Variants in DOK6 observed in about 807,000 individuals in gnomAD.
DOK6 encodes the protein docking protein 6.
A neutral mutation model predicts 44.0 loss-of-function variants in DOK6; 22 were observed. That is an observed-to-expected ratio of 0.50 (90% CI 0.36 to 0.71). The LOEUF (loss-of-function observed/expected upper bound fraction) is 0.71. Among genes scored for constraint, DOK6 ranks in the 30% least tolerant of loss-of-function variants. DOK6 has a pLI of 0.00. For missense variants in DOK6, 340 were observed against 416.4 expected, an observed-to-expected ratio of 0.82 and a Z score of 1.60; for synonymous variants, 166 against 145.5, an observed-to-expected ratio of 1.14 and a Z score of -1.01.
chr18:69,587,141 A>G (rs750808078), intron 2 of DOK6, among the ~76,000 whole-genome samples: 3 of 152,156 alleles, frequency 2.0e-5, no homozygotes, highest in Non-Finnish European at 2.9e-5. Flanking sequence ...CATTGTAGTA[A>G]TTGGGGCTGG....
chr18:69,500,445 T>G (rs1568277683), intron 1 of DOK6, among the ~76,000 whole-genome samples: 1 of 152,098 alleles, frequency 6.6e-6, no homozygotes, highest in Non-Finnish European at 1.5e-5. Flanking sequence ...GCTCTCAGCT[T>G]CCTAACTTTA....
At chr18:69,459,867 G>A (rs1277935785) in intron 1 of DOK6, among the ~76,000 whole-genome samples, 1 of 152,138 alleles carries the variant, frequency 6.6e-6, no homozygotes, top group Admixed American at 6.5e-5. Context: ...CAATTTTGGT[G>A]TTATATGTGT....
At chr18:69,591,056 G>A (rs1217688079) in intron 2 of DOK6, among the ~76,000 whole-genome samples, 1 of 152,078 alleles carries the variant, frequency 6.6e-6, no homozygotes, top group African/African-American at 2.4e-5. Context: ...TCAAGGCCGT[G>A]GCTCCAAACA....
chr18:69,831,626 C>T (rs1568139248), intron 7 of DOK6, among the ~76,000 whole-genome samples: 1 of 152,106 alleles, frequency 6.6e-6, no homozygotes, highest in Non-Finnish European at 1.5e-5. Context: ...TCTTCATTCC[C>T]CATTTCTCAA....
chr18:69,641,610 A>C (rs779527621), intron 3 of DOK6, among the ~76,000 whole-genome samples: 37 of 152,326 alleles, frequency 2.4e-4, no homozygotes, highest in South Asian at 8.3e-4. Flanking sequence ...TATTTGACTT[A>C]TAAGCTAGAT....
chr18:69,771,665 A>G (rs1207217218), intron 7 of DOK6, among the ~76,000 whole-genome samples: 1 of 151,916 alleles, frequency 6.6e-6, no homozygotes, highest in Non-Finnish European at 1.5e-5. Context: ...TTAGCATCTT[A>G]TTTTTTAAAA....
At chr18:69,811,524 T>TTTTATA in intron 7 of DOK6, among the ~76,000 whole-genome samples, 1 of 93,764 alleles carries the variant, frequency 1.1e-5, no homozygotes, top group South Asian at 3.8e-4. Context: ...AACCATTCCA[T>TTTTATA]TATATATATA....
At chr18:69,804,445 A>G (rs892082381) in intron 7 of DOK6, among the ~76,000 whole-genome samples, 1 of 152,190 alleles carries the variant, frequency 6.6e-6, no homozygotes, top group Admixed American at 6.5e-5. Context: ...TAAGAATAGA[A>G]TATATACATA....
chr18:69,580,495 G>A (rs996445260), intron 2 of DOK6, among the ~76,000 whole-genome samples: 7 of 151,822 alleles, frequency 4.6e-5, no homozygotes, highest in Non-Finnish European at 8.8e-5. Flanking sequence ...GCATGCCTGG[G>A]GAATCTTTCT....
chr18:69,749,733 G>A (rs1180289923), intron 6 of DOK6, among the ~76,000 whole-genome samples: 2 of 152,062 alleles, frequency 1.3e-5, no homozygotes, highest in Non-Finnish European at 2.9e-5. Context: ...GAGGTCAAGA[G>A]ATCGAGACCA....
At chr18:69,422,936 G>T (rs1216389584) in intron 1 of DOK6, among the ~76,000 whole-genome samples, 1 of 152,154 alleles carries the variant, frequency 6.6e-6, no homozygotes, top group Non-Finnish European at 1.5e-5. Flanking sequence ...AAATTGCAGA[G>T]AGTCACATTA....
intron 4 of DOK6, among the ~76,000 whole-genome samples, chr18:69,685,363 T>G (rs1986129896): frequency 6.6e-6 from 1 of 152,194 alleles, no homozygotes; most frequent in South Asian, 2.1e-4. Flanking sequence ...GGGGCCTTGG[T>G]CAGATTAGTG....
Position 69,406,980 on chromosome 18 carries a change from C to A in DOK6, c.66+5670C>A, listed in dbSNP as rs1916218010. Among the ~76,000 whole-genome samples the A allele has an allele frequency of 2.0e-5, 3 of 152,088 alleles. No individual in the cohort carries two copies. In the South Asian group the frequency reaches 6.2e-4, roughly 31 times the overall value. On this transcript the variant is annotated intron_variant, in intron 1 of 7. Coordinates refer to ENST00000382713, the MANE Select transcript of DOK6 (RefSeq NM_152721.6). ...CCTGTAATTCCAGCTACTCAGGAGG[C>A]TGAGGCAGGAGAATCGCTTGAACTC...
chr18:69,511,972 A>G (rs141549337), intron 1 of DOK6, among the ~76,000 whole-genome samples: 2 of 152,132 alleles, frequency 1.3e-5, no homozygotes, highest in Non-Finnish European at 2.9e-5. Context: ...TGGACTGATA[A>G]TATCAGTTGG....
chr18:69,738,127 A>C (rs1978676009), intron 5 of DOK6, among the ~76,000 whole-genome samples: 1 of 152,220 alleles, frequency 6.6e-6, no homozygotes, highest in Non-Finnish European at 1.5e-5. Flanking sequence ...TAATGTCGGA[A>C]GCCTCTTGAG....
At chr18:69,681,540 A>G (rs984544198) in intron 4 of DOK6, among the ~76,000 whole-genome samples, 1 of 151,334 alleles carries the variant, frequency 6.6e-6, no homozygotes, top group Non-Finnish European at 1.5e-5. Flanking sequence ...TCACATGCAC[A>G]TGTGCATAAA....
intron 7 of DOK6, among the ~76,000 whole-genome samples, chr18:69,770,555 G>A (rs1031113813): frequency 2.0e-5 from 3 of 152,014 alleles, no homozygotes; most frequent in South Asian, 2.1e-4. Context: ...TGTAAAGTCC[G>A]TGGTGTCCAA....
chr18:69,733,342 AC>A (rs1460807004), intron 5 of DOK6, among the ~76,000 whole-genome samples: 2 of 152,190 alleles, frequency 1.3e-5, no homozygotes, highest in Non-Finnish European at 2.9e-5. Context: ...TAGGTTTTGT[AC>A]ATTCTTCCAG....
intron 7 of DOK6, among the ~76,000 whole-genome samples, chr18:69,835,961 A>T (rs1215038547): frequency 6.6e-6 from 1 of 152,208 alleles, no homozygotes; most frequent in African/African-American, 2.4e-5. Flanking sequence ...CCTTCATAGT[A>T]TATATCAAGA....
Sources: gnomAD v4.1 joint callset for allele counts (sites outside exome capture counted in the v4.1 genomes callset) on GRCh38, gnomAD v4.1.1 for gene constraint, MANE v1.5 for transcripts, NCBI Gene and HGNC (gene_info 2026-07-23, HGNC 2026-07-21) for gene names.